The following PLCB4 variants were observed in gnomAD, a reference collection of about 807,000 sequenced individuals.
PLCB4 encodes the protein 1-phosphatidylinositol 4,5-bisphosphate phosphodiesterase beta-4.
Under a neutral mutation model 178.8 loss-of-function variants are expected in PLCB4, and 77 were observed. The observed-to-expected ratio is 0.43, with a 90% confidence interval of 0.36 to 0.52. The LOEUF is 0.52. PLCB4 is among the 20% of genes least tolerant of loss of function. The probability of loss-of-function intolerance (pLI) is 0.00; values close to 1 mark genes in which losing one functional copy is unlikely to be tolerated. For synonymous variants in PLCB4, 496 were observed against 490.8 expected, an observed-to-expected ratio of 1.01 and a Z score of -0.14; for missense variants, 1,024 against 1,453.4, an observed-to-expected ratio of 0.70 and a Z score of 4.80.
intron 30 of PLCB4, among the ~76,000 whole-genome samples, chr20:9,439,417 A>G (rs1285951284): frequency 6.6e-6 from 1 of 152,224 alleles, no homozygotes; most frequent in Non-Finnish European, 1.5e-5. Context: ...AAGTGAACCA[A>G]TATTCAAGGG....
chr20:9,097,346 C>A (rs540066482), intron 2 of PLCB4, among the ~76,000 whole-genome samples: 4 of 148,886 alleles, frequency 2.7e-5, no homozygotes, highest in Non-Finnish European at 4.4e-5. Context: ...TAGAGCCATG[C>A]GTTCAGGGAG....
chr20:9,203,424 T>A (rs1289561195), intron 2 of PLCB4, among the ~76,000 whole-genome samples: 1 of 152,194 alleles, frequency 6.6e-6, no homozygotes, highest in Non-Finnish European at 1.5e-5. Flanking sequence ...TAAAATGAGA[T>A]ATTTTTCTCT....
At chr20:9,266,608 T>C (rs2094351939) in intron 3 of PLCB4, among the ~76,000 whole-genome samples, 1 of 152,214 alleles carries the variant, frequency 6.6e-6, no homozygotes, top group Non-Finnish European at 1.5e-5. Flanking sequence ...AAAAATTGCT[T>C]AATACTGTCG....
At chr20:9,441,735 G>A (rs1345714502) in intron 30 of PLCB4, among the ~76,000 whole-genome samples, 4 of 152,060 alleles carry the variant, frequency 2.6e-5, no homozygotes, top group East Asian at 1.9e-4. Flanking sequence ...ATAAATTCTC[G>A]GCATTCAGAC....
Position 9,293,401 on chromosome 20 carries a change from AAAGGG to A in PLCB4, c.-15-14380_-15-14376del, listed in dbSNP as rs138357492. On this transcript the variant is annotated intron_variant, in intron 3 of 39. Transcript: ENST00000378473. Reference sequence around the variant, plus strand: ...AAAGGGAAGGAAAGGGAAGGAAAGGAAAGGGAAGGGAAGGGAAGGGAAGAAGTCAC... The same window carrying A: ...AAAGGGAAGGAAAGGGAAGGAAAGGAAAGGGAAGGGAAGGGAAGAAGTCAC... Among the ~76,000 whole-genome samples the A allele has an allele frequency of 2.8e-3, 403 of 145,012 alleles. 1 individual carries two copies. Among genetic ancestry groups the A allele is most frequent in the African/African-American group, 8.6e-3 (335 of 38,888 alleles).
chr20:9,187,080 TTC>T, intron 2 of PLCB4, among the ~76,000 whole-genome samples: 2 of 152,134 alleles, frequency 1.3e-5, no homozygotes, highest in African/African-American at 4.8e-5. Context: ...GTTCAGGCGA[TTC>T]TCCTGCCTCA....
At chr20:9,237,299 CA>C (rs1181000350) in intron 3 of PLCB4, among the ~76,000 whole-genome samples, 1 of 152,060 alleles carries the variant, frequency 6.6e-6, no homozygotes. Flanking sequence ...CCACATCCCC[CA>C]ACCCACACCC....
In PLCB4 at chr20:9,353,790, A is replaced by C. The variant is rs570780637; in HGVS notation, c.370-9106A>C. Among the ~76,000 whole-genome samples, 97 of 152,244 alleles carry C rather than the reference A, an allele frequency of 6.4e-4. 1 individual carries two copies. Among genetic ancestry groups the C allele is most frequent in the Non-Finnish European group, 6.6e-4 (45 of 68,024 alleles). ...TCTGCTGGCTCTGGCCTTGGTCCTT[A>C]GGTCTGGACTGGACAGTTGGTGGCC... is the stretch of plus-strand genomic sequence containing the variant. On this transcript the variant is annotated intron_variant, in intron 7 of 39. Transcript: ENST00000378473.
At chr20:9,435,904 A>G (rs2148641681) in intron 29 of PLCB4, among the ~76,000 whole-genome samples, 1 of 152,314 alleles carries the variant, frequency 6.6e-6, no homozygotes, top group Middle Eastern at 3.4e-3. Context: ...TAGAAAGAAA[A>G]TGCAAAACAT....
chr20:9,393,777 G>T (rs2038345861), intron 18 of PLCB4, 99 bp downstream of exon 18: 4 of 778,044 alleles, frequency 5.1e-6, no homozygotes, highest in East Asian at 2.6e-5. Context: ...CTGATTTTTG[G>T]GGGAAGGGTG....
At chr20:9,362,821 A>G in intron 7 of PLCB4, 75 bp from the exon 8 acceptor site, 1 of 837,174 alleles carries the variant, frequency 1.2e-6, no homozygotes, top group Non-Finnish European at 2.0e-6. Flanking sequence ...AATGGATACA[A>G]TCTATCTAAT....
chr20:9,423,412 A>G (rs1446231010), intron 27 of PLCB4, among the ~76,000 whole-genome samples: 2 of 152,240 alleles, frequency 1.3e-5, no homozygotes, highest in South Asian at 2.1e-4. Flanking sequence ...TCTGTCACTG[A>G]TATGTCTAAG....
chr20:9,098,212 A>T (rs1310375686), intron 2 of PLCB4, among the ~76,000 whole-genome samples: 1 of 152,236 alleles, frequency 6.6e-6, no homozygotes, highest in Non-Finnish European at 1.5e-5. Context: ...ATAATCTTTG[A>T]TAGAATGATG....
chr20:9,455,950 C>A (rs2043029928), intron 33 of PLCB4, among the ~76,000 whole-genome samples: 1 of 152,166 alleles, frequency 6.6e-6, no homozygotes, highest in Non-Finnish European at 1.5e-5. Context: ...ATCGTCCTGC[C>A]TCGGCTTCCT....
chr20:9,471,578 A>G (rs1394584770), intron 36 of PLCB4, among the ~76,000 whole-genome samples: 3 of 152,218 alleles, frequency 2.0e-5, no homozygotes, highest in Non-Finnish European at 2.9e-5. Context: ...CTGACTGAAA[A>G]TGGAGAAAAC....
At chr20:9,280,846 T>C (rs1601591168) in intron 3 of PLCB4, among the ~76,000 whole-genome samples, 2 of 151,582 alleles carry the variant, frequency 1.3e-5, no homozygotes, top group Admixed American at 1.3e-4. Context: ...ATGCCGAACA[T>C]GTGTTCATAA....
intron 3 of PLCB4, among the ~76,000 whole-genome samples, chr20:9,301,437 A>AG (rs1235298475): frequency 6.6e-6 from 1 of 151,900 alleles, no homozygotes; most frequent in East Asian, 2.0e-4. Flanking sequence ...GTGGTGAGGG[A>AG]GGGTGAGCAG....
intron 38 of PLCB4, 30 bp downstream of exon 38, chr20:9,473,395 C>A: frequency 7.6e-7 from 1 of 1,317,728 alleles, no homozygotes; most frequent in Non-Finnish European, 1.1e-6. Context: ...TAAAAACATG[C>A]AGGCAGCTAG....
intron 3 of PLCB4, among the ~76,000 whole-genome samples, chr20:9,264,879 G>A (rs1459889220): frequency 2.0e-5 from 3 of 152,098 alleles, no homozygotes; most frequent in African/African-American, 4.8e-5. Context: ...TGCAACCAGT[G>A]TCAAGAGACA....
Sources: gnomAD v4.1 joint callset for allele counts (sites outside exome capture counted in the v4.1 genomes callset) on GRCh38, gnomAD v4.1.1 for gene constraint, MANE v1.5 for transcripts, NCBI Gene and HGNC (gene_info 2026-07-23, HGNC 2026-07-21) for gene names.